SGK1: variants seen among roughly 807,000 people sequenced by gnomAD.
SGK1 encodes the protein serine/threonine-protein kinase Sgk1.
In SGK1, 26 loss-of-function variants were observed where a neutral mutation model predicts 64.2. The ratio of observed to expected loss-of-function variants is 0.40; its 90% confidence interval spans 0.30 to 0.56. SGK1 has a LOEUF of 0.56. Ranked by LOEUF, SGK1 falls within the 20% of genes least tolerant of loss-of-function variation. The pLI is 0.38. For synonymous variants in SGK1, 265 were observed against 239.7 expected (o/e 1.11, Z -0.98); for missense variants, 519 against 645.6 (o/e 0.80, Z 2.12).
intron 2 of SGK1, among the ~76,000 whole-genome samples, chr6:134,250,797 A>G (rs891509289): frequency 6.6e-6 from 1 of 152,274 alleles, no homozygotes; most frequent in East Asian, 1.9e-4. Context: ...TGTTTGAAAC[A>G]GGGTCTCACT....
chr6:134,299,446 T>C (rs1777412758), intron 1 of SGK1, among the ~76,000 whole-genome samples: 1 of 152,112 alleles, frequency 6.6e-6, no homozygotes, highest in African/African-American at 2.4e-5. Flanking sequence ...TCTGGAAACA[T>C]ATGCAGAATT....
chr6:134,269,513 G>C (rs890061760), intron 1 of SGK1, among the ~76,000 whole-genome samples: 4 of 146,942 alleles, frequency 2.7e-5, no homozygotes, highest in Admixed American at 2.1e-4. Flanking sequence ...ACAAAAATTA[G>C]CCACCATGGT....
chr6:134,194,525 T>TC (rs1297529831), intron 3 of SGK1, among the ~76,000 whole-genome samples: 2 of 151,494 alleles, frequency 1.3e-5, no homozygotes, highest in South Asian at 4.2e-4. Flanking sequence ...TTTTTCTTTT[T>TC]TTTTTTTTTT....
chr6:134,202,216 G>A (rs1775697924), intron 3 of SGK1, among the ~76,000 whole-genome samples: 1 of 152,060 alleles, frequency 6.6e-6, no homozygotes, highest in African/African-American at 2.4e-5. Flanking sequence ...ATGAAAGAAA[G>A]AAAAACAAAG....
At chr6:134,238,177 G>A (rs1365678782) in intron 2 of SGK1, among the ~76,000 whole-genome samples, 1 of 152,018 alleles carries the variant, frequency 6.6e-6, no homozygotes, top group African/African-American at 2.4e-5. Flanking sequence ...GTAAACAACC[G>A]ATTTCCTGAC....
intron 2 of SGK1, among the ~76,000 whole-genome samples, chr6:134,233,790 AT>A (rs1190373831): frequency 1.3e-5 from 2 of 152,130 alleles, no homozygotes; most frequent in Non-Finnish European, 2.9e-5. Flanking sequence ...TGGCATGGTT[AT>A]TCTACTAGAT....
At position 134,173,370 on chromosome 6, in the gene SGK1, T is replaced by A. The variant is rs775601828; in HGVS notation, c.619-13A>T. ...TTGCTAGAAGAACCTGAAATTTCAA[T>A]TTAAAAAAATCATTTTTCTATCCTC... On this transcript the variant is annotated splice_polypyrimidine_tract_variant and intron_variant, in intron 6 of 13. Transcript: ENST00000367858. The A allele has an allele frequency of 3.1e-6, 5 of 1,607,770 alleles. No homozygotes were observed. The South Asian group carries it at 5.5e-5, about 18-fold the overall frequency.
chr6:134,186,690 G>A (rs1775428672), intron 3 of SGK1, among the ~76,000 whole-genome samples: 1 of 152,130 alleles, frequency 6.6e-6, no homozygotes, highest in African/African-American at 2.4e-5. Context: ...TGAAGAGTCT[G>A]GGCCATTCAC....
At chr6:134,184,927 C>T (rs535091010) in intron 3 of SGK1, among the ~76,000 whole-genome samples, 10 of 152,280 alleles carry the variant, frequency 6.6e-5, no homozygotes, top group Non-Finnish European at 1.0e-4. Context: ...TCCAGTGATC[C>T]GCACACCTAA....
intron 2 of SGK1, among the ~76,000 whole-genome samples, chr6:134,242,373 C>T (rs1285727854): frequency 1.3e-5 from 2 of 152,182 alleles, no homozygotes; most frequent in East Asian, 3.9e-4. Flanking sequence ...GTAATCCCAG[C>T]TACTCGGGAG....
At chr6:134,259,056 A>T (rs1200332581) in intron 2 of SGK1, among the ~76,000 whole-genome samples, 4 of 152,228 alleles carry the variant, frequency 2.6e-5, no homozygotes, top group Non-Finnish European at 4.4e-5. Context: ...AAGCCAGCAA[A>T]GTCTGGGAAC....
intron 1 of SGK1, among the ~76,000 whole-genome samples, chr6:134,301,500 G>A (rs992251423): frequency 1.3e-5 from 2 of 151,846 alleles, no homozygotes; most frequent in African/African-American, 2.4e-5. Flanking sequence ...CCACAGGAAG[G>A]ACCACCTTTT....
rs140973038 is a variant in SGK1 at position 134,247,305 on chromosome 6, C to CT, written c.285+14627dup. On this transcript the variant is annotated intron_variant, in intron 2 of 13. Transcript: ENST00000367858. ...TTTGATGAAACATCCTGTGTAGCAA[C>CT]TGTGAAGCCTGGATTTCCCCAGGAT... Among the ~76,000 whole-genome samples the CT allele has an allele frequency of 4.3e-3, 661 of 152,318 alleles. 8 individuals are homozygous for CT. The highest frequency in any genetic ancestry group is 0.015 in the African/African-American group (615 of 41,558).
chr6:134,213,492 G>A (rs765143944), intron 2 of SGK1, among the ~76,000 whole-genome samples: 9 of 151,484 alleles, frequency 5.9e-5, no homozygotes, highest in Non-Finnish European at 1.2e-4. Flanking sequence ...TTGCATTCCA[G>A]CCTGGGTGAC....
chr6:134,188,938 G>A (rs1369887026), intron 3 of SGK1, among the ~76,000 whole-genome samples: 2 of 139,614 alleles, frequency 1.4e-5, no homozygotes, highest in Non-Finnish European at 3.1e-5. Context: ...TTGAGACAGG[G>A]ATCTCCTATG....
chr6:134,227,909 C>T (rs555227599), intron 2 of SGK1, among the ~76,000 whole-genome samples: 1 of 148,588 alleles, frequency 6.7e-6, no homozygotes, highest in Non-Finnish European at 1.5e-5. Context: ...GCCTTAGTAA[C>T]CTCTTTGAAA....
chr6:134,254,879 C>G (rs1395761351), intron 2 of SGK1, among the ~76,000 whole-genome samples: 1 of 148,600 alleles, frequency 6.7e-6, no homozygotes, highest in South Asian at 2.1e-4. Context: ...TTTTTTTTTT[C>G]TTTTTTGAGA....
At chr6:134,210,834 A>AAAAAT (rs59053070) in intron 2 of SGK1, among the ~76,000 whole-genome samples, 11 of 143,726 alleles carry the variant, frequency 7.7e-5, no homozygotes, top group African/African-American at 3.0e-4. Context: ...AAAAAAAAAA[A>AAAAAT]TTTTAAAAGG....
At chr6:134,228,849 T>TTG (rs1318851597) in intron 2 of SGK1, among the ~76,000 whole-genome samples, 3 of 117,968 alleles carry the variant, frequency 2.5e-5, no homozygotes, top group Non-Finnish European at 1.8e-5. Context: ...TTCTTTTTTT[T>TTG]TTTTTTTTTT....
Sources: gnomAD v4.1 joint callset for allele counts (sites outside exome capture counted in the v4.1 genomes callset) on GRCh38, gnomAD v4.1.1 for gene constraint, MANE v1.5 for transcripts, NCBI Gene and HGNC (gene_info 2026-07-23, HGNC 2026-07-21) for gene names.